Variants in ZDHHC20 observed in about 807,000 individuals in gnomAD.
ZDHHC20 encodes palmitoyltransferase ZDHHC20.
A neutral mutation model predicts 57.8 loss-of-function variants in ZDHHC20; 43 were observed. The observed-to-expected ratio is 0.74, with a 90% CI of 0.58 to 0.96. ZDHHC20 has a LOEUF of 0.96. Ranked by LOEUF, ZDHHC20 falls within the 40% of genes least tolerant of loss-of-function variation. The pLI, the probability that ZDHHC20 is intolerant of heterozygous loss-of-function variation, is 0.00. For missense variants in ZDHHC20, 391 were observed against 441.1 expected, an observed-to-expected ratio of 0.89 and a Z score of 1.02; for synonymous variants, 157 against 153.0, an observed-to-expected ratio of 1.03 and a Z score of -0.19.
chr13:21,392,267 C>CT (rs1386823277), intron 7 of ZDHHC20, among the ~76,000 whole-genome samples: 1 of 151,332 alleles, frequency 6.6e-6, no homozygotes, highest in African/African-American at 2.4e-5. Flanking sequence ...AAAAGATCGA[C>CT]TCTTCTACCC....
chr13:21,402,222 C>A (rs1877739768), intron 5 of ZDHHC20, among the ~76,000 whole-genome samples: 1 of 152,006 alleles, frequency 6.6e-6, no homozygotes. Context: ...GGAAATAAGT[C>A]AAAATATTAA....
chr13:21,436,850 G>C (rs1882601299), intron 1 of ZDHHC20, among the ~76,000 whole-genome samples: 1 of 152,148 alleles, frequency 6.6e-6, no homozygotes. Flanking sequence ...TAGGCCTCTT[G>C]GGCCAAAGTT....
At chr13:21,451,835 C>CA (rs1370884094) in intron 1 of ZDHHC20, among the ~76,000 whole-genome samples, 50 of 150,492 alleles carry the variant, frequency 3.3e-4, no homozygotes, top group East Asian at 1.6e-3. Flanking sequence ...ACTAAAAATA[C>CA]AAAAAAAAAT....
intron 1 of ZDHHC20, among the ~76,000 whole-genome samples, chr13:21,451,213 C>G (rs989519758): frequency 1.3e-5 from 2 of 152,114 alleles, no homozygotes; most frequent in Non-Finnish European, 2.9e-5. Context: ...TATGTAGGAC[C>G]AATAAGCCAT....
chr13:21,388,078 T>C (rs1874899645), intron 8 of ZDHHC20, among the ~76,000 whole-genome samples: 1 of 152,056 alleles, frequency 6.6e-6, no homozygotes, highest in Non-Finnish European at 1.5e-5. Context: ...GTGTTATAAG[T>C]GCTAACATGG....
rs771178992 is a variant in ZDHHC20 at position 21,375,132 on chromosome 13, G to GA, written c.*1563dup. ...CTGGGAGACAGAGCAAAACTCTGTG[G>GA]AAAAAAGAAGAAAAAAATTTATTGG... On this transcript the variant is annotated 3_prime_UTR_variant, in exon 13 of 13. Coordinates refer to ENST00000400590, the MANE Select transcript of ZDHHC20 (RefSeq NM_001330059.2). The GA allele has an allele frequency of 2.2e-6, 1 of 456,214 alleles. No individual in the cohort carries two copies. The highest frequency in any genetic ancestry group is 1.5e-5 in the South Asian group (1 of 64,560). 28.3% of individuals were successfully genotyped at this position (456,214 alleles called of 1,614,324 possible).
At chr13:21,453,761 G>A (rs1252888719) in intron 1 of ZDHHC20, among the ~76,000 whole-genome samples, 1 of 152,178 alleles carries the variant, frequency 6.6e-6, no homozygotes, top group Non-Finnish European at 1.5e-5. Context: ...ATTTTGAAGG[G>A]TGGAAGCTGC....
chr13:21,425,325 A>C (rs1881126213), intron 2 of ZDHHC20, among the ~76,000 whole-genome samples: 1 of 152,124 alleles, frequency 6.6e-6, no homozygotes, highest in Non-Finnish European at 1.5e-5. Flanking sequence ...CCTAGCTAGA[A>C]CTCATATTAA....
chr13:21,404,167 G>A (rs751801312), intron 4 of ZDHHC20, among the ~76,000 whole-genome samples: 1 of 152,128 alleles, frequency 6.6e-6, no homozygotes, highest in Non-Finnish European at 1.5e-5. Flanking sequence ...AACACTATGC[G>A]GAGTTTAACA....
chr13:21,389,408 C>T (rs1345760222), intron 8 of ZDHHC20, among the ~76,000 whole-genome samples: 1 of 150,794 alleles, frequency 6.6e-6, no homozygotes, highest in Non-Finnish European at 1.5e-5. Flanking sequence ...CCCGCATTTC[C>T]TTTTAAGAAA....
intron 4 of ZDHHC20, among the ~76,000 whole-genome samples, chr13:21,405,978 G>C (rs563624888): frequency 6.6e-6 from 1 of 152,246 alleles, no homozygotes; most frequent in Non-Finnish European, 1.5e-5. Flanking sequence ...GACTCTGTGA[G>C]GCAGTGAAAA....
chr13:21,376,675 T>A lies in ZDHHC20; in HGVS notation c.*41-20A>T. 1 of 1,394,788 alleles carries A rather than the reference T, an allele frequency of 7.2e-7. No individual in the cohort carries two copies. The highest frequency in any genetic ancestry group is 9.7e-7 in the Non-Finnish European group (1 of 1,033,948). 86.4% of individuals were successfully genotyped at this position (1,394,788 alleles called of 1,614,324 possible). A position where few individuals can be genotyped will look rare whatever the true frequency, so the allele number is the denominator to read the frequency against. On this transcript the variant is annotated intron_variant, in intron 12 of 12. Coordinates refer to ENST00000400590, the MANE Select transcript of ZDHHC20 (RefSeq NM_001330059.2). ...ATACACCTACAAAAAAAGAAACAAA[T>A]TATTGGTTAAAACTTGATTTTTTAT...
At chr13:21,404,431 A>G in intron 4 of ZDHHC20, 1 of 454,142 alleles carries the variant, frequency 2.2e-6, no homozygotes. Context: ...AATATGGAAA[A>G]ATACAAGGAC....
intron 1 of ZDHHC20, among the ~76,000 whole-genome samples, chr13:21,429,626 G>A (rs1033547296): frequency 6.6e-6 from 1 of 152,120 alleles, no homozygotes; most frequent in African/African-American, 2.4e-5. Context: ...AGTTCTTCTT[G>A]AATATGTCCT....
chr13:21,373,278 A>G lies in ZDHHC20; in HGVS notation c.*3418T>C, dbSNP rs761945406. Reference sequence around the variant, plus strand: ...GATCCTAAATCTAAGCCCTTAATATACATCTACTTTAAAGATAACTGAAAG... The same window carrying G: ...GATCCTAAATCTAAGCCCTTAATATGCATCTACTTTAAAGATAACTGAAAG... On this transcript the variant is annotated 3_prime_UTR_variant, in exon 13 of 13. Transcript: ENST00000400590. 2 of 152,224 alleles carry G rather than the reference A, an allele frequency of 1.3e-5. No homozygotes were observed. The highest frequency in any genetic ancestry group is 4.8e-5 in the African/African-American group (2 of 41,462). The allele number at this position is 152,224 out of a possible 1,614,324, so 9.4% of individuals were successfully genotyped here.
intron 1 of ZDHHC20, among the ~76,000 whole-genome samples, chr13:21,442,754 CA>C (rs530521454): frequency 1.9e-4 from 26 of 140,518 alleles, no homozygotes; most frequent in Admixed American, 2.2e-4. Context: ...GACTCTATCT[CA>C]AAAAAAAAAA....
Position 21,375,218 on chromosome 13 carries a change from A to G in ZDHHC20, c.*1478T>C. ...CAGAATGTTAGAAGTCATCCAGTCCAACTTATTCACAACACCCCCTCCCCT... is the reference window on the plus strand; with the variant it reads ...CAGAATGTTAGAAGTCATCCAGTCCGACTTATTCACAACACCCCCTCCCCT... On this transcript the variant is annotated 3_prime_UTR_variant, in exon 13 of 13. Transcript: ENST00000400590. 2.2e-6 allele frequency: 1 copy of G among 455,742 alleles called. No individual in the cohort carries two copies. The highest frequency in any genetic ancestry group is 1.6e-5 in the South Asian group (1 of 64,458). The allele number at this position is 455,742 out of a possible 1,614,324, so 28.2% of individuals were successfully genotyped here.
intron 2 of ZDHHC20, among the ~76,000 whole-genome samples, chr13:21,424,653 G>A (rs996047477): frequency 3.3e-5 from 5 of 151,344 alleles, no homozygotes; most frequent in African/African-American, 7.3e-5. Flanking sequence ...GGAGCTTGCA[G>A]TGAGCCTAGA....
At chr13:21,440,068 GAAA>G (rs376263181) in intron 1 of ZDHHC20, among the ~76,000 whole-genome samples, 1 of 89,772 alleles carries the variant, frequency 1.1e-5, no homozygotes, top group East Asian at 5.6e-4. Context: ...CTGTTTCTCA[GAAA>G]AAAAAAAAAA....
Sources: allele counts gnomAD v4.1 joint callset (sites outside exome capture counted in the v4.1 genomes callset), GRCh38; gene constraint gnomAD v4.1.1; transcripts MANE v1.5; gene names NCBI Gene and HGNC (gene_info 2026-07-23, HGNC 2026-07-21).